The following EVC variants were observed in gnomAD, a reference collection of about 807,000 sequenced individuals.
EVC encodes EvC ciliary complex subunit 1.
Under a neutral mutation model 118.9 loss-of-function variants are expected in EVC, and 116 were observed. The observed-to-expected ratio is 0.98, with a 90% CI of 0.84 to 1.14. EVC has a LOEUF of 1.14. Among genes scored for constraint, EVC ranks in the 50% most tolerant of loss-of-function variants. The probability of loss-of-function intolerance (pLI) is 0.00; values close to 1 mark genes in which losing one functional copy is unlikely to be tolerated. For missense variants in EVC, 1,401 were observed against 1,246.4 expected (o/e 1.12, Z -1.87); for synonymous variants, 619 against 534.7 (o/e 1.16, Z -2.18).
In EVC at chr4:5,749,018, C is replaced by T. The variant is rs1009201233; in HGVS notation, c.1098+712C>T. On this transcript the variant is annotated intron_variant, in intron 8 of 20. Transcript: ENST00000264956. This position sits in a 1 kb window ranked among gnomAD's most constrained non-coding sequence, Gnocchi z 4.4. Reference sequence around the variant, plus strand: ...TGGGGTTTTTAGAGCTCCCCAATGACGATGGTGGGAGCTGGGGTTGACGCC... The same window carrying T: ...TGGGGTTTTTAGAGCTCCCCAATGATGATGGTGGGAGCTGGGGTTGACGCC... 5.9e-5 allele frequency among the ~76,000 whole-genome samples: 9 copies of T among 151,980 alleles called. No individual in the cohort carries two copies. Among genetic ancestry groups the T allele is most frequent in the Non-Finnish European group, 2.9e-5 (2 of 68,012 alleles).
At chr4:5,783,458 G>A in intron 11 of EVC, 94 bp from the exon 12 acceptor site, 2 of 1,202,116 alleles carry the variant, frequency 1.7e-6, no homozygotes, top group East Asian at 2.3e-5. Context: ...CTTGTGTCTT[G>A]TGGGAGGCTT....
intron 12 of EVC, 93 bp from the exon 13 acceptor site, chr4:5,793,515 A>G (rs1297471503): frequency 9.2e-7 from 1 of 1,089,116 alleles, no homozygotes; most frequent in Non-Finnish European, 1.4e-6. Flanking sequence ...AAAGAAACGC[A>G]CACAAACAAG....
intron 2 of EVC, among the ~76,000 whole-genome samples, chr4:5,728,686 T>C (rs13132305): frequency 0.95 from 144,242 of 152,306 alleles, 68,328 homozygotes; most frequent in Middle Eastern, 0.96. Context: ...AGTTAGAAGA[T>C]TTGCCCAACC....
rs1196359859 is a variant in EVC, at chr4:5,754,825, G to T, written c.1464+892G>T. Among the ~76,000 whole-genome samples, 1 of 152,050 alleles carries T rather than the reference G, an allele frequency of 6.6e-6. No individual in the cohort carries two copies. The highest frequency in any genetic ancestry group is 1.9e-4 in the East Asian group (1 of 5,184). On this transcript the variant is annotated intron_variant, in intron 10 of 20. Coordinates refer to ENST00000264956, the MANE Select transcript of EVC (RefSeq NM_153717.3). This position sits in a 1 kb window ranked among gnomAD's most constrained non-coding sequence, Gnocchi z 5.8. ...GTTAGGATTCAGTGAGACCAAGGAAGGGGCAGCCCCAGCCTCACTGTTTGC... is the reference window on the plus strand; with the variant it reads ...GTTAGGATTCAGTGAGACCAAGGAATGGGCAGCCCCAGCCTCACTGTTTGC...
In EVC at chr4:5,731,106, G is replaced by A. The variant is rs1379236002; in HGVS notation, c.385-319G>A. On this transcript the variant is annotated intron_variant, in intron 3 of 20. Coordinates refer to ENST00000264956, the MANE Select transcript of EVC (RefSeq NM_153717.3). The surrounding 1 kb of genome is among the most constrained non-coding windows in gnomAD (Gnocchi z 5.6). Reference sequence around the variant, plus strand: ...CAGGGCAAGCGGTGGCTATGGAGGAGGTAGGTCAGAGTTGGCAGCTGGGAG... The same window carrying A: ...CAGGGCAAGCGGTGGCTATGGAGGAAGTAGGTCAGAGTTGGCAGCTGGGAG... Among the ~76,000 whole-genome samples, 1 of 152,048 alleles carries A rather than the reference G, an allele frequency of 6.6e-6. No homozygotes were observed. Among genetic ancestry groups the A allele is most frequent in the East Asian group, 1.9e-4 (1 of 5,160 alleles).
intron 11 of EVC, among the ~76,000 whole-genome samples, chr4:5,768,403 A>C (rs1056104322): frequency 6.6e-6 from 1 of 152,148 alleles, no homozygotes; most frequent in African/African-American, 2.4e-5. Context: ...CTGACGGGGC[A>C]GGGAGAAAGC....
Position 5,752,836 on chromosome 4 carries a change from G to A in EVC, c.1099G>A (p.Asp367Asn). 1.2e-6 allele frequency: 2 copies of A among 1,614,144 alleles called. No homozygotes were observed. Among genetic ancestry groups the A allele is most frequent in the Non-Finnish European group, 1.7e-6 (2 of 1,179,998 alleles). The change falls in exon 9 of 21, where the codon GAC (aspartate) becomes AAC (asparagine). Residue 367 changes from aspartate to asparagine, a missense_variant and splice_region_variant. Transcript: ENST00000264956. ...TGGTCCTGTGTGTTTCTTTTTGCAGGACGCCCTGGAGAGGACGATGGGGCG... is the reference window on the plus strand; with the variant it reads ...TGGTCCTGTGTGTTTCTTTTTGCAGAACGCCCTGGAGAGGACGATGGGGCG... ...LCDSQELQALDALERTMGRAH... is the reference protein window; with the variant it reads ...LCDSQELQALNALERTMGRAH...
At chr4:5,759,423 C>G (rs1052444951) in intron 11 of EVC, among the ~76,000 whole-genome samples, 1 of 152,086 alleles carries the variant, frequency 6.6e-6, no homozygotes, top group African/African-American at 2.4e-5. Flanking sequence ...GGCTCTGGAG[C>G]CAGACATCTG....
the EVC span, chr4:5,828,718 C>G: frequency 6.3e-7 from 1 of 1,596,302 alleles, no homozygotes; most frequent in Non-Finnish European, 8.6e-7. Context: ...CTGCCCCAAA[C>G]GAGCTGTTCA....
At chr4:5,717,817 C>G (rs1724229501) in intron 1 of EVC, among the ~76,000 whole-genome samples, 1 of 152,212 alleles carries the variant, frequency 6.6e-6, no homozygotes, top group African/African-American at 2.4e-5. Context: ...TCCTTCATTC[C>G]CCCACCCTCC....
intron 16 of EVC, among the ~76,000 whole-genome samples, chr4:5,802,936 G>A (rs993461404): frequency 7.2e-5 from 11 of 152,110 alleles, no homozygotes; most frequent in African/African-American, 2.2e-4. Context: ...CTAATTAGAC[G>A]TTCAATGATT....
intron 10 of EVC, 42 bp downstream of exon 10, chr4:5,753,975 T>A (rs781274266): frequency 7.4e-6 from 12 of 1,611,448 alleles, no homozygotes; most frequent in Non-Finnish European, 9.3e-6. Flanking sequence ...GGTGAGCCAG[T>A]TGTAGCTCTG....
intron 11 of EVC, among the ~76,000 whole-genome samples, chr4:5,766,453 C>T (rs201509322): frequency 0.39 from 45,782 of 117,424 alleles, 9,273 homozygotes; most frequent in East Asian, 0.46. Flanking sequence ...GTTGGCCTGC[C>T]TTGCTAGATT....
Position 5,731,717 on chromosome 4 carries a change from C to A in EVC, c.617+60C>A. 1 of 1,481,032 alleles carries A rather than the reference C, an allele frequency of 6.8e-7. No homozygotes were observed. Among genetic ancestry groups the A allele is most frequent in the South Asian group, 1.2e-5 (1 of 84,542 alleles). 91.7% of individuals were successfully genotyped at this position (1,481,032 alleles called of 1,614,324 possible). On this transcript the variant is annotated intron_variant, in intron 4 of 20. Transcript: ENST00000264956. The surrounding 1 kb of genome is among the most constrained non-coding windows in gnomAD (Gnocchi z 5.6). Reference sequence around the variant, plus strand: ...AGTCCTCTTGGAGTGGGCCGGGAGTCACATCATTGTCAGAGGAGGAAACAG... The same window carrying A: ...AGTCCTCTTGGAGTGGGCCGGGAGTAACATCATTGTCAGAGGAGGAAACAG...
In EVC at chr4:5,797,028, G is replaced by A. The variant is rs1017858503; in HGVS notation, c.1893G>A (p.Thr631=). The A allele has an allele frequency of 4.3e-6, 7 of 1,612,464 alleles. No homozygotes were observed. Among genetic ancestry groups the A allele is most frequent in the Middle Eastern group, 3.3e-4 (2 of 6,062 alleles). Reference sequence around the variant, plus strand: ...TCACCTGCTTTCCTCAAAGGTCCACGCGGTGTGTCCTGCAGGGGCATGACC... The same window carrying A: ...TCACCTGCTTTCCTCAAAGGTCCACACGGTGTGTCCTGCAGGGGCATGACC... ...GRLGGLTEES[T]RCVLQGHDLL... The change falls in exon 14 of 21, where the codon ACG becomes ACA. Residue 631 remains threonine, a synonymous_variant. Transcript: ENST00000264956.
Position 5,711,556 on chromosome 4 carries a change from T to G in EVC, c.174+2T>G. 2.0e-5 allele frequency: 23 copies of G among 1,143,952 alleles called. No homozygotes were observed. Among genetic ancestry groups the G allele is most frequent in the Admixed American group, 4.8e-5 (1 of 20,798 alleles). The allele number at this position is 1,143,952 out of a possible 1,614,324, so 70.9% of individuals were successfully genotyped here. A position where few individuals can be genotyped will look rare whatever the true frequency, so the allele number is the denominator to read the frequency against. On this transcript the variant is annotated splice_donor_variant, in intron 1 of 20. Coordinates refer to ENST00000264956, the MANE Select transcript of EVC (RefSeq NM_153717.3). LOFTEE classifies it high-confidence loss of function. ...GGCCGCCAGCGCACGCGACACCAGG[T>G]GGGTCGGCCGAGCAGACAGCGGCGG...
chr4:5,771,966 C>T (rs1577517167), intron 11 of EVC, among the ~76,000 whole-genome samples: 3 of 151,986 alleles, frequency 2.0e-5, no homozygotes, highest in East Asian at 3.9e-4. Context: ...GACATGATCT[C>T]GGCTCACTGC....
intron 9 of EVC, 118 bp from the exon 10 acceptor site, chr4:5,753,667 C>G (rs917135816): frequency 1.1e-5 from 15 of 1,338,384 alleles, no homozygotes; most frequent in South Asian, 3.5e-5. Flanking sequence ...AGGGCGGGCA[C>G]CATCTCTGCA....
rs1173806585 is a variant in EVC, at chr4:5,765,197, A to G, written c.1563+8835A>G. Among the ~76,000 whole-genome samples the G allele has an allele frequency of 1.7e-5, 2 of 117,038 alleles. 1 individual carries two copies. The highest frequency in any genetic ancestry group is 6.7e-5 in the African/African-American group (2 of 29,956). The allele number at this position is 117,038 out of a possible 152,430, so 76.8% of individuals were successfully genotyped here. ...TTCAGGAGCAGGTTGTTCAGTTTCCATGTAGTTGAGCGGTTTTGAGTGAGA... is the reference window on the plus strand; with the variant it reads ...TTCAGGAGCAGGTTGTTCAGTTTCCGTGTAGTTGAGCGGTTTTGAGTGAGA... On this transcript the variant is annotated intron_variant, in intron 11 of 20. Transcript: ENST00000264956.
Sources: gnomAD v4.1 joint callset for allele counts (sites outside exome capture counted in the v4.1 genomes callset) on GRCh38, gnomAD v4.1.1 for gene constraint, Gnocchi (gnomAD v3.1) non-coding constraint, MANE v1.5 for transcripts, NCBI Gene and HGNC (gene_info 2026-07-23, HGNC 2026-07-21) for gene names.